The following DGCR8 variants were observed in gnomAD, a reference collection of about 807,000 sequenced individuals.
The protein encoded by DGCR8 is DGCR8 microprocessor complex subunit, also known as microprocessor complex subunit DGCR8.
In DGCR8, 14 loss-of-function variants were observed where a neutral mutation model predicts 78.5. The ratio of observed to expected loss-of-function variants is 0.18; its 90% CI spans 0.12 to 0.28. The LOEUF is 0.28. Ranked by LOEUF, DGCR8 falls within the 10% of genes least tolerant of loss-of-function variation. The pLI is 1.00. For missense variants in DGCR8, 702 were observed against 1,022.5 expected, an observed-to-expected ratio of 0.69 and a Z score of 4.28; for synonymous variants, 399 against 402.4, an observed-to-expected ratio of 0.99 and a Z score of 0.10.
chr22:20,108,848 C>A, intron 12 of DGCR8, 42 bp from the exon 13 acceptor site: 2 of 1,094,704 alleles, frequency 1.8e-6, no homozygotes, highest in Non-Finnish European at 2.8e-6. Flanking sequence ...GGCCGTAGAG[C>A]TACAGCCTGC....
At position 20,109,965 on chromosome 22, in the gene DGCR8, C is replaced by T. The variant is rs1263885629; in HGVS notation, c.2239-60C>T. On this transcript the variant is annotated intron_variant, in intron 13 of 13. Coordinates refer to ENST00000351989, the MANE Select transcript of DGCR8 (RefSeq NM_022720.7). ...GCTGGGCTCTCCCTCCACCTTGTGT[C>T]TTCCCGAGCCTCTGCCAAGCCCACC... 5.8e-6 allele frequency: 9 copies of T among 1,543,150 alleles called. No individual in the cohort carries two copies. The African/African-American group carries it at 1.1e-4, about 19-fold the overall frequency.
At chr22:20,096,033 T>A (rs1246501175) in intron 9 of DGCR8, among the ~76,000 whole-genome samples, 1 of 152,160 alleles carries the variant, frequency 6.6e-6, no homozygotes, top group Non-Finnish European at 1.5e-5. Flanking sequence ...AAATACAGAT[T>A]AAGCTTCACT....
rs1387167453 is a variant in DGCR8 at position 20,095,673 on chromosome 22, G to T, written c.1788+878G>T. 2.6e-5 allele frequency among the ~76,000 whole-genome samples: 4 copies of T among 152,120 alleles called. No individual in the cohort carries two copies. In the East Asian group the frequency reaches 7.7e-4, roughly 29 times the overall value. On this transcript the variant is annotated intron_variant, in intron 9 of 13. Coordinates refer to ENST00000351989, the MANE Select transcript of DGCR8 (RefSeq NM_022720.7). ...AGACAATTTTTCCACAGACGGTGTT[G>T]GGGGGCGGGGATGGTTTCAGGATGA...
At chr22:20,106,416 C>A in intron 10 of DGCR8, 139 bp downstream of exon 10, 2 of 842,198 alleles carry the variant, frequency 2.4e-6, no homozygotes, top group Non-Finnish European at 1.9e-6. Context: ...TTGGCCCTGG[C>A]CACCAGTCAG....
intron 9 of DGCR8, among the ~76,000 whole-genome samples, chr22:20,095,385 C>T (rs2049616476): frequency 6.6e-6 from 1 of 152,142 alleles, no homozygotes; most frequent in South Asian, 2.1e-4. Flanking sequence ...GGATTACAGG[C>T]ATTAGCCACT....
chr22:20,102,366 A>G (rs2049713553), intron 9 of DGCR8, among the ~76,000 whole-genome samples: 1 of 152,056 alleles, frequency 6.6e-6, no homozygotes, highest in Non-Finnish European at 1.5e-5. Flanking sequence ...GTGTGGTGTG[A>G]CGCATCCGTC....
chr22:20,105,128 A>G (rs2049754394), intron 9 of DGCR8, among the ~76,000 whole-genome samples: 1 of 152,192 alleles, frequency 6.6e-6, no homozygotes, highest in Non-Finnish European at 1.5e-5. Flanking sequence ...GGTTAACATG[A>G]GATCACACTG....
chr22:20,087,444 G>A lies in DGCR8; in HGVS notation c.880+123G>A. ...GTGGGCTGGGTGGAGGCATGTTTGA[G>A]GACAGGACAGAAATATCTGAGGAGG... On this transcript the variant is annotated intron_variant, in intron 3 of 13. Coordinates refer to ENST00000351989, the MANE Select transcript of DGCR8 (RefSeq NM_022720.7). This position sits in a 1 kb window ranked among gnomAD's most constrained non-coding sequence, Gnocchi z 4.1. The A allele has an allele frequency of 1.8e-6, 2 of 1,125,238 alleles. No individual in the cohort carries two copies. Among genetic ancestry groups the A allele is most frequent in the Non-Finnish European group, 2.5e-6 (2 of 805,584 alleles). The allele number at this position is 1,125,238 out of a possible 1,614,324, so 69.7% of individuals were successfully genotyped here.
At chr22:20,091,716 T>G (rs2049564254) in intron 6 of DGCR8, 84 bp downstream of exon 6, 1 of 1,556,836 alleles carries the variant, frequency 6.4e-7, no homozygotes, top group Non-Finnish European at 8.8e-7. Flanking sequence ...TTTTATGAGT[T>G]GCATTTCGTT....
chr22:20,088,926 G>A (rs1451601159), intron 3 of DGCR8, among the ~76,000 whole-genome samples: 1 of 152,146 alleles, frequency 6.6e-6, no homozygotes, highest in Non-Finnish European at 1.5e-5. Context: ...AGGACTATAG[G>A]TGTATGCCAC....
In DGCR8 at chr22:20,089,832, G is replaced by A; in HGVS notation, c.1023+21G>A. 1 of 1,613,040 alleles carries A rather than the reference G, an allele frequency of 6.2e-7. No homozygotes were observed. Among genetic ancestry groups the A allele is most frequent in the Non-Finnish European group, 8.5e-7 (1 of 1,179,464 alleles). Reference sequence around the variant, plus strand: ...TACGGGTAGGGGAGGCATCAGTCGTGACTTTAGGCTTGTAAGTTCTCAGAC... The same window carrying A: ...TACGGGTAGGGGAGGCATCAGTCGTAACTTTAGGCTTGTAAGTTCTCAGAC... On this transcript the variant is annotated intron_variant, in intron 4 of 13. Coordinates refer to ENST00000351989, the MANE Select transcript of DGCR8 (RefSeq NM_022720.7). This position sits in a 1 kb window ranked among gnomAD's most constrained non-coding sequence, Gnocchi z 4.9.
At chr22:20,094,101 C>T (rs1218260084) in intron 8 of DGCR8, among the ~76,000 whole-genome samples, 5 of 152,208 alleles carry the variant, frequency 3.3e-5, no homozygotes, top group Admixed American at 6.5e-5. Flanking sequence ...ACCCGCTTTC[C>T]TCCCTATGTG....
intron 1 of DGCR8, chr22:20,084,924 C>T (rs1270475749): frequency 1.0e-6 from 1 of 966,886 alleles, no homozygotes; most frequent in Non-Finnish European, 1.2e-6. Flanking sequence ...GTCGCTTCAC[C>T]TTCAGTGGCT....
At chr22:20,088,454 G>A (rs897396935) in intron 3 of DGCR8, among the ~76,000 whole-genome samples, 1 of 152,210 alleles carries the variant, frequency 6.6e-6, no homozygotes, top group Admixed American at 6.5e-5. Flanking sequence ...CCCACCTCAG[G>A]TGGCTGGGCC....
chr22:20,092,314 CCTG>C (rs2049575127), intron 7 of DGCR8, among the ~76,000 whole-genome samples: 1 of 152,142 alleles, frequency 6.6e-6, no homozygotes, highest in Admixed American at 6.5e-5. Context: ...TCCTGGTGCC[CCTG>C]GGTGTCTGAA....
intron 9 of DGCR8, among the ~76,000 whole-genome samples, chr22:20,097,278 C>T (rs1430553242): frequency 6.6e-6 from 1 of 152,186 alleles, no homozygotes; most frequent in Non-Finnish European, 1.5e-5. Context: ...GTTTTGTAGA[C>T]TGCGTTCAGT....
At chr22:20,094,417 C>T (rs2049602907) in intron 8 of DGCR8, among the ~76,000 whole-genome samples, 1 of 152,248 alleles carries the variant, frequency 6.6e-6, no homozygotes, top group Admixed American at 6.5e-5. Context: ...TCTCACGTGC[C>T]ACCGAAGTGG....
Position 20,110,291 on chromosome 22 carries a change from CAT to C in DGCR8, c.*184_*185del, listed in dbSNP as rs1028689968. ...GGGACAGCCATGGCCACACAGCACA[CAT>C]GTGGAGCAGCGGCTCTCCCTGGAAA... On this transcript the variant is annotated 3_prime_UTR_variant, in exon 14 of 14. Transcript: ENST00000351989. 2.4e-5 allele frequency: 14 copies of C among 592,494 alleles called. No individual in the cohort carries two copies. Among genetic ancestry groups the C allele is most frequent in the Admixed American group, 1.6e-4 (5 of 31,604 alleles). 36.7% of individuals were successfully genotyped at this position (592,494 alleles called of 1,614,324 possible).
intron 1 of DGCR8, among the ~76,000 whole-genome samples, chr22:20,081,715 C>A (rs892211993): frequency 6.6e-6 from 1 of 152,180 alleles, no homozygotes; most frequent in Non-Finnish European, 1.5e-5. Flanking sequence ...GATTTCCAGC[C>A]TGGTGTTTCT....
Sources: gnomAD v4.1 joint callset for allele counts (sites outside exome capture counted in the v4.1 genomes callset) on GRCh38, gnomAD v4.1.1 for gene constraint, Gnocchi (gnomAD v3.1) non-coding constraint, MANE v1.5 for transcripts, NCBI Gene and HGNC (gene_info 2026-07-23, HGNC 2026-07-21) for gene names.